Variants in GALNT13 observed in about 807,000 individuals in gnomAD.
GALNT13 encodes UDP-GalNAc:polypeptide N-acetylgalactosaminyltransferase 13.
Under a neutral mutation model 64.2 loss-of-function variants are expected in GALNT13, and 28 were observed. The ratio of observed to expected loss-of-function variants is 0.44; its 90% CI spans 0.32 to 0.60. The LOEUF is 0.60. Ranked by LOEUF, GALNT13 falls within the 20% of genes least tolerant of loss-of-function variation. The pLI is 0.05. For synonymous variants in GALNT13, 214 were observed against 224.6 expected (o/e 0.95, Z 0.42); for missense variants, 577 against 669.8 (o/e 0.86, Z 1.53).
the GALNT13 span, among the ~76,000 whole-genome samples, chr2:153,312,379 A>G: frequency 1.3e-5 from 2 of 152,214 alleles, no homozygotes; most frequent in South Asian, 2.1e-4. Flanking sequence ...TTTTTCAAAC[A>G]TAGACACTTA....
At chr2:153,873,374 C>T (rs1686126478) in intron 1 of GALNT13, among the ~76,000 whole-genome samples, 1 of 152,202 alleles carries the variant, frequency 6.6e-6, no homozygotes, top group African/African-American at 2.4e-5. Context: ...CTCTGGACAG[C>T]GAAAGCTGCG....
At chr2:154,269,467 A>G (rs908134506) in intron 8 of GALNT13, among the ~76,000 whole-genome samples, 4 of 151,818 alleles carry the variant, frequency 2.6e-5, no homozygotes, top group African/African-American at 9.7e-5. Flanking sequence ...AAACCAAACT[A>G]TAATAGAAAT....
chr2:153,793,977 T>C, the GALNT13 span, among the ~76,000 whole-genome samples: 1 of 152,190 alleles, frequency 6.6e-6, no homozygotes, highest in African/African-American at 2.4e-5. Flanking sequence ...ATACAGTATG[T>C]TGTAACACCT....
chr2:153,474,730 G>A, the GALNT13 span, among the ~76,000 whole-genome samples: 1 of 152,154 alleles, frequency 6.6e-6, no homozygotes, highest in Admixed American at 6.5e-5. Context: ...TGCATTTGCT[G>A]TATTTCCAGA....
chr2:153,649,851 C>T, the GALNT13 span, among the ~76,000 whole-genome samples: 1 of 152,168 alleles, frequency 6.6e-6, no homozygotes, highest in East Asian at 1.9e-4. Context: ...AATTTCTGTT[C>T]TTTTACATTT....
the GALNT13 span, among the ~76,000 whole-genome samples, chr2:153,755,107 C>T: frequency 1.3e-5 from 2 of 152,162 alleles, no homozygotes; most frequent in Non-Finnish European, 2.9e-5. Context: ...GTTTTCTCTA[C>T]CTCTTCAGTA....
chr2:153,553,040 C>A, the GALNT13 span, among the ~76,000 whole-genome samples: 3 of 151,946 alleles, frequency 2.0e-5, no homozygotes, highest in Non-Finnish European at 4.4e-5. Context: ...GGTTGGGGAC[C>A]CCTTTTCTAG....
the GALNT13 span, among the ~76,000 whole-genome samples, chr2:153,129,510 T>C: frequency 0.9 from 136,839 of 152,168 alleles, 62,590 homozygotes; most frequent in Non-Finnish European, 0.98. Context: ...CGCAGTGGCT[T>C]ACACCTGTAA....
chr2:153,779,170 A>G, the GALNT13 span, among the ~76,000 whole-genome samples: 1 of 151,962 alleles, frequency 6.6e-6, no homozygotes, highest in Non-Finnish European at 1.5e-5. Context: ...AGGACAATAT[A>G]TCTTTCCTTT....
chr2:153,307,209 T>C, the GALNT13 span, among the ~76,000 whole-genome samples: 3 of 152,232 alleles, frequency 2.0e-5, no homozygotes, highest in African/African-American at 4.8e-5. Context: ...GTATTTGCAT[T>C]ATGAAAATGG....
At chr2:153,487,049 AGT>A in the GALNT13 span, among the ~76,000 whole-genome samples, 1 of 152,202 alleles carries the variant, frequency 6.6e-6, no homozygotes, top group Non-Finnish European at 1.5e-5. Flanking sequence ...CCATAGGACA[AGT>A]GTGTGTTATT....
chr2:153,809,421 GA>G, the GALNT13 span, among the ~76,000 whole-genome samples: 6 of 152,280 alleles, frequency 3.9e-5, no homozygotes, highest in Admixed American at 3.9e-4. Context: ...TTGGCTGTAA[GA>G]TGGTTGGCAC....
At chr2:153,734,626 G>A in the GALNT13 span, among the ~76,000 whole-genome samples, 1 of 152,104 alleles carries the variant, frequency 6.6e-6, no homozygotes, top group African/African-American at 2.4e-5. Flanking sequence ...GCTGCAAAAG[G>A]GATGGATTCT....
intron 4 of GALNT13, among the ~76,000 whole-genome samples, chr2:154,143,814 T>C (rs982934237): frequency 4.2e-5 from 6 of 143,030 alleles, no homozygotes; most frequent in Middle Eastern, 8.7e-3. Flanking sequence ...TGAGCCGTGA[T>C]TGTGCCACTG....
the GALNT13 span, among the ~76,000 whole-genome samples, chr2:153,687,698 G>A: frequency 6.6e-6 from 1 of 151,782 alleles, no homozygotes; most frequent in Non-Finnish European, 1.5e-5. Flanking sequence ...TAACTCTTTT[G>A]TACAATAACA....
intron 10 of GALNT13, among the ~76,000 whole-genome samples, chr2:154,406,676 T>C: frequency 6.6e-6 from 1 of 152,162 alleles, no homozygotes; most frequent in Non-Finnish European, 1.5e-5. Flanking sequence ...TACCCTTACT[T>C]ACTGTGCTTT....
chr2:153,665,007 C>A, the GALNT13 span, among the ~76,000 whole-genome samples: 8 of 152,104 alleles, frequency 5.3e-5, no homozygotes, highest in African/African-American at 1.9e-4. Context: ...AAATTTGGTA[C>A]CAGAGTATGG....
At chr2:153,082,735 T>TATATATATTATTTATTGAATAAATAAA in the GALNT13 span, among the ~76,000 whole-genome samples, 366 of 139,044 alleles carry the variant, frequency 2.6e-3, 15 homozygotes, top group African/African-American at 5.4e-3. Flanking sequence ...GGCTGGTTTA[T>TATATATATTATTTATTGAATAAATAAA]ATATATATTA....
chr2:153,847,328 T>C, the GALNT13 span, among the ~76,000 whole-genome samples: 3 of 151,978 alleles, frequency 2.0e-5, no homozygotes, highest in African/African-American at 7.2e-5. Flanking sequence ...TTTCAGTAAC[T>C]TATATAAGAG....
Sources: gnomAD v4.1 joint callset for allele counts (sites outside exome capture counted in the v4.1 genomes callset) on GRCh38, gnomAD v4.1.1 for gene constraint, MANE v1.5 for transcripts, NCBI Gene and HGNC (gene_info 2026-07-23, HGNC 2026-07-21) for gene names.